Variants in UBE3A observed in about 807,000 individuals in gnomAD.
The protein encoded by UBE3A is ubiquitin protein ligase E3A, also known as ubiquitin-protein ligase E3A.
UBE3A carries 6 observed loss-of-function variants against 83.4 expected under a neutral mutation model. That is an observed-to-expected ratio of 0.07 (90% CI 0.04 to 0.14). The LOEUF is 0.14. UBE3A is among the 10% of genes least tolerant of loss of function. The pLI is 1.00. For missense variants in UBE3A, 456 were observed against 1,036.1 expected (o/e 0.44, Z 7.69); for synonymous variants, 337 against 355.4 (o/e 0.95, Z 0.58).
At chr15:25,403,642 T>C (rs912730384) in intron 4 of UBE3A, among the ~76,000 whole-genome samples, 1 of 152,176 alleles carries the variant, frequency 6.6e-6, no homozygotes, top group Non-Finnish European at 1.5e-5. Flanking sequence ...CAAAAAGATA[T>C]TTGTACACTC....
At chr15:25,384,198 G>A (rs1410656806) in intron 4 of UBE3A, among the ~76,000 whole-genome samples, 2 of 152,062 alleles carry the variant, frequency 1.3e-5, no homozygotes, top group South Asian at 2.1e-4. Flanking sequence ...GGTGGCTCAC[G>A]CCTGTAACCC....
At chr15:25,361,968 G>T (rs1477436631) in intron 6 of UBE3A, among the ~76,000 whole-genome samples, 1 of 152,140 alleles carries the variant, frequency 6.6e-6, no homozygotes, top group Non-Finnish European at 1.5e-5. Context: ...ATCAGGTCAG[G>T]TTGCCCGAGA....
intron 12 of UBE3A, chr15:25,339,716 A>C: frequency 3.0e-6 from 1 of 328,998 alleles, no homozygotes; most frequent in Non-Finnish European, 5.8e-6. Flanking sequence ...TATGACTAAG[A>C]AAATGATTTG....
Position 25,359,418 on chromosome 15 carries a change from C to CGTGTGTGTGTGT in UBE3A, c.1753+953_1753+964dup, listed in dbSNP as rs60677664. 7.6e-4 allele frequency among the ~76,000 whole-genome samples: 106 copies of CGTGTGTGTGTGT among 139,014 alleles called. 2 individuals carry two copies. The highest frequency in any genetic ancestry group is 3.4e-3 in the South Asian group (13 of 3,872). The allele number at this position is 139,014 out of a possible 152,430, so 91.2% of individuals were successfully genotyped here. Reference sequence around the variant, plus strand: ...CTAGCTAGATTATAGATAAGGGATGCGTGTGTGTGTGTGTGTGTGTGTGTG... The same window carrying CGTGTGTGTGTGT: ...CTAGCTAGATTATAGATAAGGGATGCGTGTGTGTGTGTGTGTGTGTGTGTGTGTGTGTGTGTG... On this transcript the variant is annotated intron_variant, in intron 7 of 12. Transcript: ENST00000648336.
chr15:25,353,561 T>G (rs1358260117), intron 11 of UBE3A, among the ~76,000 whole-genome samples: 1 of 152,232 alleles, frequency 6.6e-6, no homozygotes, highest in Non-Finnish European at 1.5e-5. Flanking sequence ...CACAGCTGTG[T>G]TGTTCAAGGG....
chr15:25,336,730 G>T lies in UBE3A; in HGVS notation c.*2407C>A, dbSNP rs576320906. ...TTTGAAATGTTCTATAATAATAAAA[G>T]GTTAAAAAAGTTTACATTTATTTGG... On this transcript the variant is annotated 3_prime_UTR_variant, in exon 13 of 13. Coordinates refer to ENST00000648336, the MANE Select transcript of UBE3A (RefSeq NM_130839.5). 6.6e-6 allele frequency: 1 copy of T among 152,080 alleles called. No homozygotes were observed. Among genetic ancestry groups the T allele is most frequent in the African/African-American group, 2.4e-5 (1 of 41,474 alleles). The allele number at this position is 152,080 out of a possible 1,614,324, so 9.4% of individuals were successfully genotyped here.
At position 25,336,526 on chromosome 15, in the gene UBE3A, G is replaced by A. The variant is rs1413495895; in HGVS notation, c.*2611C>T. 6.6e-6 allele frequency: 1 copy of A among 151,950 alleles called. No individual in the cohort carries two copies. The highest frequency in any genetic ancestry group is 1.5e-5 in the Non-Finnish European group (1 of 67,988). 9.4% of individuals were successfully genotyped at this position (151,950 alleles called of 1,614,324 possible). ...TGAGTAACATCGGCAAGTTCTGTTC[G>A]AAGCCTTTTTCAAGTTTCTTTTTGA... On this transcript the variant is annotated 3_prime_UTR_variant, in exon 13 of 13. Transcript: ENST00000648336.
chr15:25,386,705 G>A (rs890295551), intron 4 of UBE3A, among the ~76,000 whole-genome samples: 3 of 151,148 alleles, frequency 2.0e-5, no homozygotes, highest in Non-Finnish European at 4.4e-5. Flanking sequence ...GTAAGCCAGA[G>A]GGAAAAAATC....
intron 1 of UBE3A, among the ~76,000 whole-genome samples, chr15:25,429,518 T>C (rs1278115126): frequency 6.6e-6 from 1 of 152,112 alleles, no homozygotes; most frequent in Non-Finnish European, 1.5e-5. Flanking sequence ...ACCTCCCTAC[T>C]TCACTAAAAA....
intron 1 of UBE3A, among the ~76,000 whole-genome samples, chr15:25,429,673 C>T (rs1370306483): frequency 6.6e-6 from 1 of 151,926 alleles, no homozygotes; most frequent in Non-Finnish European, 1.5e-5. Flanking sequence ...TATAGTGAAA[C>T]TTCATCTCTA....
At chr15:25,353,250 G>A (rs931388924) in intron 11 of UBE3A, among the ~76,000 whole-genome samples, 1 of 152,104 alleles carries the variant, frequency 6.6e-6, no homozygotes, top group African/African-American at 2.4e-5. Context: ...ATGACCAACG[G>A]TGCACCAGAA....
chr15:25,435,378 AGTT>A (rs1894766667), intron 1 of UBE3A, among the ~76,000 whole-genome samples: 1 of 152,160 alleles, frequency 6.6e-6, no homozygotes, highest in South Asian at 2.1e-4. Context: ...AATAAATGTT[AGTT>A]GATCATTTAC....
At position 25,354,700 on chromosome 15, in the gene UBE3A, T is replaced by C. The variant is rs1470753010; in HGVS notation, c.2125-17A>G. 6.2e-7 allele frequency: 1 copy of C among 1,606,374 alleles called. No individual in the cohort carries two copies. The highest frequency in any genetic ancestry group is 1.3e-5 in the African/African-American group (1 of 74,762). Reference sequence around the variant, plus strand: ...GACAAATTCCTGTAGAAAACATTAATCACAAGAACTTCTTATAATATGCTA... The same window carrying C: ...GACAAATTCCTGTAGAAAACATTAACCACAAGAACTTCTTATAATATGCTA... On this transcript the variant is annotated splice_polypyrimidine_tract_variant and intron_variant, in intron 9 of 12. Transcript: ENST00000648336.
intron 4 of UBE3A, among the ~76,000 whole-genome samples, chr15:25,398,770 TTTATATATA>T (rs1567066996): frequency 4.8e-5 from 4 of 83,624 alleles, no homozygotes; most frequent in African/African-American, 1.9e-4. Flanking sequence ...TATTCTTTTA[TTTATATATA>T]TATATATATA....
intron 11 of UBE3A, among the ~76,000 whole-genome samples, chr15:25,348,264 T>C (rs1056534541): frequency 1.3e-5 from 2 of 152,036 alleles, no homozygotes; most frequent in East Asian, 3.9e-4. Context: ...TTTTAACGTA[T>C]GTGAAAAAAA....
At chr15:25,342,739 G>T (rs566061568) in intron 11 of UBE3A, among the ~76,000 whole-genome samples, 53 of 152,244 alleles carry the variant, frequency 3.5e-4, no homozygotes, top group South Asian at 6.2e-4. Flanking sequence ...GGTCCAGCAG[G>T]AGCTACATCG....
chr15:25,340,064 C>T, intron 12 of UBE3A, 21 bp downstream of exon 12: 1 of 1,613,922 alleles, frequency 6.2e-7, no homozygotes, highest in Non-Finnish European at 8.5e-7. Context: ...GGTATACAGT[C>T]ACAAGTTAAT....
rs1249452207 is a variant in UBE3A at position 25,367,255 on chromosome 15, TTGTAAATA to T, written c.1608+3303_1608+3310del. Among the ~76,000 whole-genome samples, 300 of 79,474 alleles carry T rather than the reference TTGTAAATA, an allele frequency of 3.8e-3. 2 individuals carry two copies. Among genetic ancestry groups the T allele is most frequent in the African/African-American group, 0.021 (283 of 13,412 alleles). The allele number at this position is 79,474 out of a possible 152,430, so 52.1% of individuals were successfully genotyped here. A position where few individuals can be genotyped will look rare whatever the true frequency, so the allele number is the denominator to read the frequency against. On this transcript the variant is annotated intron_variant, in intron 6 of 12. Coordinates refer to ENST00000648336, the MANE Select transcript of UBE3A (RefSeq NM_130839.5). ...TGTAAATATGTAAATATTTGCATATTTGTAAATATGTAAATATTTACATATTTAAATTA... is the reference window on the plus strand; with the variant it reads ...TGTAAATATGTAAATATTTGCATATTTGTAAATATTTACATATTTAAATTA...
At position 25,436,887 on chromosome 15, in the gene UBE3A, CCA is replaced by C. The variant is rs1471465742; in HGVS notation, c.-165+1600_-165+1601del. Among the ~76,000 whole-genome samples, 4 of 152,184 alleles carry C rather than the reference CCA, an allele frequency of 2.6e-5. No individual in the cohort carries two copies. In the East Asian group the frequency reaches 7.7e-4, roughly 29 times the overall value. On this transcript the variant is annotated intron_variant, in intron 1 of 12. Coordinates refer to ENST00000648336, the MANE Select transcript of UBE3A (RefSeq NM_130839.5). ...AGCTCCTCAGGGACAGGGGCAATGT[CCA>C]GAGGATAGTGAGCATACTACTTAGC...
Sources: allele counts gnomAD v4.1 joint callset (sites outside exome capture counted in the v4.1 genomes callset), GRCh38; gene constraint gnomAD v4.1.1; transcripts MANE v1.5; gene names NCBI Gene and HGNC (gene_info 2026-07-23, HGNC 2026-07-21).